Variants in ERC2 observed in about 807,000 individuals in gnomAD.
ERC2 encodes the protein ERC protein 2.
A neutral mutation model predicts 114.8 loss-of-function variants in ERC2; 42 were observed. That is an observed-to-expected ratio of 0.37 (90% CI 0.29 to 0.47). The LOEUF is 0.47. Ranked by LOEUF, ERC2 falls within the 20% of genes least tolerant of loss-of-function variation. The pLI, the probability that ERC2 is intolerant of heterozygous loss-of-function variation, is 0.99. For synonymous variants in ERC2, 454 were observed against 425.5 expected (o/e 1.07, Z -0.82); for missense variants, 939 against 1,150.7 (o/e 0.82, Z 2.66).
At chr3:56,270,400 T>C (rs1388401805) in intron 3 of ERC2, among the ~76,000 whole-genome samples, 1 of 152,214 alleles carries the variant, frequency 6.6e-6, no homozygotes, top group Non-Finnish European at 1.5e-5. Context: ...GTATGGTTGT[T>C]AAATATTAAA....
chr3:55,828,825 G>C (rs2060445099), intron 14 of ERC2, among the ~76,000 whole-genome samples: 1 of 152,116 alleles, frequency 6.6e-6, no homozygotes, highest in South Asian at 2.1e-4. Context: ...GCAGGACCAA[G>C]AGTCTAAACT....
intron 7 of ERC2, among the ~76,000 whole-genome samples, chr3:56,040,610 TA>T (rs371546282): frequency 1.2e-5 from 1 of 81,366 alleles, no homozygotes; most frequent in African/African-American, 3.3e-5. Flanking sequence ...TATGTATATA[TA>T]ATATATAGAT....
chr3:55,720,594 C>A (rs1427872821), intron 15 of ERC2, among the ~76,000 whole-genome samples: 5 of 151,968 alleles, frequency 3.3e-5, no homozygotes. Context: ...TAACAGGGTT[C>A]TTTGAAGACA....
intron 2 of ERC2, among the ~76,000 whole-genome samples, chr3:56,408,083 G>A (rs2060797065): frequency 6.6e-6 from 1 of 152,146 alleles, no homozygotes; most frequent in Non-Finnish European, 1.5e-5. Context: ...TTGTGTCAGT[G>A]AAGAAATAAT....
chr3:56,021,740 T>A (rs570848505), intron 7 of ERC2, among the ~76,000 whole-genome samples: 1 of 152,292 alleles, frequency 6.6e-6, no homozygotes, highest in East Asian at 1.9e-4. Flanking sequence ...CCCACTCAAG[T>A]GGACCCCAGC....
At chr3:56,104,970 G>A (rs144673543) in intron 6 of ERC2, among the ~76,000 whole-genome samples, 1 of 114,122 alleles carries the variant, frequency 8.8e-6, no homozygotes, top group Non-Finnish European at 2.0e-5. Flanking sequence ...TTTTAAACAG[G>A]GAGATCAGTG....
At chr3:55,674,487 T>C (rs2061696201) in intron 17 of ERC2, among the ~76,000 whole-genome samples, 1 of 152,230 alleles carries the variant, frequency 6.6e-6, no homozygotes, top group Non-Finnish European at 1.5e-5. Context: ...TCCTAAGTTT[T>C]GTAAAATGAG....
chr3:55,780,116 C>G (rs901037672), intron 14 of ERC2, among the ~76,000 whole-genome samples: 1 of 152,018 alleles, frequency 6.6e-6, no homozygotes, highest in Non-Finnish European at 1.5e-5. Context: ...CCATGAAATC[C>G]AGAGGCAAGA....
chr3:55,530,195 T>C (rs1055028183), intron 17 of ERC2, among the ~76,000 whole-genome samples: 1 of 152,196 alleles, frequency 6.6e-6, no homozygotes, highest in Non-Finnish European at 1.5e-5. Flanking sequence ...TTCTGGGGAA[T>C]AAATGATGTT....
At chr3:55,554,299 A>C (rs1314301186) in intron 17 of ERC2, among the ~76,000 whole-genome samples, 1 of 152,208 alleles carries the variant, frequency 6.6e-6, no homozygotes, top group African/African-American at 2.4e-5. Context: ...TTGTTTATGA[A>C]AAAACCTCTT....
rs150456756 is a variant in ERC2 at position 55,729,378 on chromosome 3, C to T, written c.2712+5393G>A. On this transcript the variant is annotated intron_variant, in intron 15 of 17. Transcript: ENST00000288221. ...CTTCAAGTCCTTGCTCCAATGTCTC[C>T]TTCCCAATGACACCCATCCTGTCTA... Among the ~76,000 whole-genome samples the T allele has an allele frequency of 2.6e-3, 389 of 152,272 alleles. 2 individuals are homozygous for T. The highest frequency in any genetic ancestry group is 9.0e-3 in the African/African-American group (375 of 41,556).
intron 12 of ERC2, among the ~76,000 whole-genome samples, chr3:55,981,638 GGAAAT>G (rs2070149515): frequency 6.6e-6 from 1 of 152,160 alleles, no homozygotes; most frequent in Non-Finnish European, 1.5e-5. Flanking sequence ...AGGAAAAGAA[GGAAAT>G]AGGGATTGAA....
chr3:55,674,568 T>C (rs547414955), intron 17 of ERC2, among the ~76,000 whole-genome samples: 3 of 152,202 alleles, frequency 2.0e-5, no homozygotes, highest in Admixed American at 6.5e-5. Flanking sequence ...GAAAGCAATC[T>C]GCGATTATTA....
intron 17 of ERC2, among the ~76,000 whole-genome samples, chr3:55,603,622 T>C (rs184346193): frequency 1.2e-3 from 164 of 137,856 alleles, no homozygotes; most frequent in African/African-American, 4.3e-3. Flanking sequence ...CCAGCCTGGG[T>C]GACGGAGTGA....
intron 12 of ERC2, among the ~76,000 whole-genome samples, chr3:55,973,874 C>T (rs562031393): frequency 5.3e-5 from 8 of 152,060 alleles, no homozygotes; most frequent in African/African-American, 1.9e-4. Context: ...CTTAGTTGAT[C>T]GTATGATAAA....
In ERC2 at chr3:56,080,744, T is replaced by A. The variant is rs977894581; in HGVS notation, c.1641+73A>T. The A allele has an allele frequency of 2.0e-5, 30 of 1,471,652 alleles. No homozygotes were observed. The Middle Eastern group carries it at 7.1e-4, about 35-fold the overall frequency. 91.2% of individuals were successfully genotyped at this position (1,471,652 alleles called of 1,614,324 possible). A position where few individuals can be genotyped will look rare whatever the true frequency, so the allele number is the denominator to read the frequency against. On this transcript the variant is annotated intron_variant, in intron 7 of 17. Transcript: ENST00000288221. ...TTCGTAAAAGATCACTTATTTTCCA[T>A]GTGCTCAAAATTTTTCTAAAATGAC...
At chr3:56,444,224 G>A (rs2062457070) in intron 1 of ERC2, among the ~76,000 whole-genome samples, 1 of 151,418 alleles carries the variant, frequency 6.6e-6, no homozygotes, top group South Asian at 2.1e-4. Context: ...GCTGGCCTTG[G>A]CTTCCCAAAG....
At chr3:55,699,107 G>C (rs151141231) in intron 16 of ERC2, among the ~76,000 whole-genome samples, 1 of 152,028 alleles carries the variant, frequency 6.6e-6, no homozygotes, top group Non-Finnish European at 1.5e-5. Context: ...GAGATACCGA[G>C]CCAGCAATAG....
At chr3:56,349,601 G>A (rs1482125663) in intron 2 of ERC2, among the ~76,000 whole-genome samples, 1 of 152,322 alleles carries the variant, frequency 6.6e-6, no homozygotes, top group East Asian at 1.9e-4. Flanking sequence ...GGAGGAGGAT[G>A]AGGATCGAAA....
Sources: allele counts gnomAD v4.1 joint callset (sites outside exome capture counted in the v4.1 genomes callset), GRCh38; gene constraint gnomAD v4.1.1; transcripts MANE v1.5; gene names NCBI Gene and HGNC (gene_info 2026-07-23, HGNC 2026-07-21).